SLC5A4: variants seen among roughly 807,000 people sequenced by gnomAD.
SLC5A4 encodes the protein probable glucose sensor protein SLC5A4.
In SLC5A4, 55 loss-of-function variants were observed where a neutral mutation model predicts 70.3. That is an observed-to-expected ratio of 0.78 (90% CI 0.63 to 0.98). The LOEUF (loss-of-function observed/expected upper bound fraction) is 0.98, where lower values mean the gene tolerates loss of function less well. Among genes scored for constraint, SLC5A4 ranks in the 50% least tolerant of loss-of-function variants. The probability of loss-of-function intolerance (pLI) is 0.00; values close to 1 mark genes in which losing one functional copy is unlikely to be tolerated. For missense variants in SLC5A4, 735 were observed against 839.2 expected (o/e 0.88, Z 1.53); for synonymous variants, 268 against 305.7 (o/e 0.88, Z 1.29).
the SLC5A4 span, among the ~76,000 whole-genome samples, chr22:32,332,789 A>G: frequency 6.6e-6 from 1 of 152,214 alleles, no homozygotes; most frequent in Non-Finnish European, 1.5e-5. Flanking sequence ...CTGCTTTGGT[A>G]AATATTTGAT....
chr22:32,275,807 G>T, the SLC5A4 span, among the ~76,000 whole-genome samples: 1 of 152,176 alleles, frequency 6.6e-6, no homozygotes, highest in Non-Finnish European at 1.5e-5. Context: ...CTTCCACAAT[G>T]GTTGAACTAG....
chr22:32,271,212 G>C, the SLC5A4 span: 1 of 775,106 alleles, frequency 1.3e-6, no homozygotes, highest in South Asian at 1.5e-5. Context: ...ACTGGCGGCT[G>C]GTGTTCTTGG....
the SLC5A4 span, chr22:32,342,875 T>C: frequency 6.6e-6 from 1 of 152,236 alleles, no homozygotes; most frequent in Admixed American, 6.5e-5. Context: ...TTTTGGCTGC[T>C]AGATCACATT....
intron 14 of SLC5A4, among the ~76,000 whole-genome samples, chr22:32,220,670 C>T (rs9621409): frequency 0.16 from 24,094 of 152,048 alleles, 2,246 homozygotes; most frequent in African/African-American, 0.24. Flanking sequence ...TAGGAACAGG[C>T]GAGTCTGTAA....
the SLC5A4 span, among the ~76,000 whole-genome samples, chr22:32,267,744 G>T: frequency 6.6e-6 from 1 of 152,186 alleles, no homozygotes. Flanking sequence ...TCTCAATTCT[G>T]ATATGCCCCA....
At chr22:32,234,427 G>A (rs964016081) in intron 8 of SLC5A4, among the ~76,000 whole-genome samples, 11 of 152,166 alleles carry the variant, frequency 7.2e-5, no homozygotes, top group African/African-American at 1.9e-4. Context: ...AGCTGGGTGC[G>A]GTGGCTCACC....
At chr22:32,338,948 TTGG>T in the SLC5A4 span, among the ~76,000 whole-genome samples, 1 of 152,166 alleles carries the variant, frequency 6.6e-6, no homozygotes, top group Non-Finnish European at 1.5e-5. Flanking sequence ...AGAGCTGGGA[TTGG>T]TGTTGTCATC....
At chr22:32,290,751 G>A in the SLC5A4 span, among the ~76,000 whole-genome samples, 5 of 152,226 alleles carry the variant, frequency 3.3e-5, no homozygotes, top group East Asian at 7.7e-4. Flanking sequence ...GTCCTCTGAG[G>A]ATGAATGCTG....
chr22:32,329,383 T>C, the SLC5A4 span, among the ~76,000 whole-genome samples: 2 of 152,294 alleles, frequency 1.3e-5, no homozygotes, highest in African/African-American at 4.8e-5. Flanking sequence ...GTATGTCTAT[T>C]GAGTCGGGAG....
the SLC5A4 span, among the ~76,000 whole-genome samples, chr22:32,280,008 G>T: frequency 1.1e-4 from 16 of 152,286 alleles, no homozygotes; most frequent in South Asian, 4.1e-4. Flanking sequence ...CCAGTTTTTT[G>T]TTGTTGTTGT....
chr22:32,348,043 T>C, the SLC5A4 span, among the ~76,000 whole-genome samples: 9 of 152,110 alleles, frequency 5.9e-5, no homozygotes, highest in Admixed American at 2.0e-4. Flanking sequence ...CACATGGGGA[T>C]AATAACAGCA....
At chr22:32,350,004 C>G in the SLC5A4 span, among the ~76,000 whole-genome samples, 769 of 152,254 alleles carry the variant, frequency 5.1e-3, 9 homozygotes, top group South Asian at 0.032. Flanking sequence ...AAAAGGTCAG[C>G]TAAAGCAAGG....
In SLC5A4 at chr22:32,229,235, C is replaced by T; in HGVS notation, c.1239G>A (p.Met413Ile). Residue 413 changes from methionine (M) to isoleucine (I), a missense_variant, in exon 11 of 15, where the codon ATG becomes ATA. Met to Ile is a conservative substitution (Grantham distance 10, BLOSUM62 1). Coordinates refer to ENST00000266086, the MANE Select transcript of SLC5A4 (RefSeq NM_014227.3). ...GCTCTTTCTCCGACGCTTGCTTCCG[C>T]ATCTTGGTGTAGAGGTCAATGGTGA... ...TLFTIDLYTK[M>I]RKQASEKELL... 1 of 1,614,116 alleles carries T rather than the reference C, an allele frequency of 6.2e-7. No homozygotes were observed. Among genetic ancestry groups the T allele is most frequent in the Non-Finnish European group, 8.5e-7 (1 of 1,180,002 alleles).
the SLC5A4 span, among the ~76,000 whole-genome samples, chr22:32,337,629 T>C: frequency 6.6e-6 from 1 of 152,196 alleles, no homozygotes; most frequent in African/African-American, 2.4e-5. Context: ...AGGAGATAAA[T>C]ACACTAGCAT....
At chr22:32,297,303 A>G in the SLC5A4 span, among the ~76,000 whole-genome samples, 1 of 149,664 alleles carries the variant, frequency 6.7e-6, no homozygotes, top group African/African-American at 2.5e-5. Context: ...TTGGTTGGTA[A>G]GCTATTGATT....
the SLC5A4 span, among the ~76,000 whole-genome samples, chr22:32,322,585 C>CA: frequency 0.5 from 69,299 of 139,350 alleles, 16,888 homozygotes; most frequent in East Asian, 0.64. Context: ...GACTCTGTCT[C>CA]AAAAAAAAAA....
At chr22:32,263,344 A>G in the SLC5A4 span, among the ~76,000 whole-genome samples, 2 of 152,376 alleles carry the variant, frequency 1.3e-5, no homozygotes, top group African/African-American at 4.8e-5. Flanking sequence ...AGAGAATACT[A>G]TAAACATTTG....
At chr22:32,307,674 G>C in the SLC5A4 span, among the ~76,000 whole-genome samples, 7 of 152,328 alleles carry the variant, frequency 4.6e-5, no homozygotes, top group East Asian at 1.3e-3. Flanking sequence ...ACCAGTGTGG[G>C]ACGTGTTGGT....
the SLC5A4 span, among the ~76,000 whole-genome samples, chr22:32,351,067 T>C: frequency 3.9e-5 from 6 of 152,214 alleles, no homozygotes; most frequent in Admixed American, 3.9e-4. Flanking sequence ...TTCCTTTTCC[T>C]GTTGCAACGA....
Sources: allele counts gnomAD v4.1 joint callset (sites outside exome capture counted in the v4.1 genomes callset), GRCh38; gene constraint gnomAD v4.1.1; transcripts MANE v1.5; gene names NCBI Gene and HGNC (gene_info 2026-07-23, HGNC 2026-07-21).